RAP1GAP: variants seen among roughly 807,000 people sequenced by gnomAD.
RAP1GAP encodes rap1 GTPase-activating protein 1.
In RAP1GAP, 35 loss-of-function variants were observed where a neutral mutation model predicts 87.2. The ratio of observed to expected loss-of-function variants is 0.40; its 90% CI spans 0.31 to 0.53. RAP1GAP has a LOEUF of 0.53. RAP1GAP is among the 20% of genes least tolerant of loss of function. The pLI, the probability that RAP1GAP is intolerant of heterozygous loss-of-function variation, is 0.48. For missense variants in RAP1GAP, 734 were observed against 898.9 expected (o/e 0.82, Z 2.35); for synonymous variants, 375 against 363.9 (o/e 1.03, Z -0.35).
intron 1 of RAP1GAP, chr1:21,665,261 T>C (rs1279039990): frequency 3.9e-6 from 2 of 517,694 alleles, no homozygotes; most frequent in Admixed American, 3.9e-5. Flanking sequence ...AACTTGGGTC[T>C]GCTTCCTCCG....
rs545597375 is a variant in RAP1GAP at position 21,619,540 on chromosome 1, G to A, written c.19-468C>T. 7.9e-5 allele frequency among the ~76,000 whole-genome samples: 12 copies of A among 152,140 alleles called. No individual in the cohort carries two copies. In the South Asian group the frequency reaches 1.0e-3, roughly 13 times the overall value. On this transcript the variant is annotated intron_variant, in intron 4 of 24. Transcript: ENST00000374765. ...AAGGCACTCCCATCCCAGCACCCCC[G>A]GCCCACCTCCCATGCATACCTATGT... is the stretch of plus-strand genomic sequence containing the variant.
intron 1 of RAP1GAP, among the ~76,000 whole-genome samples, chr1:21,659,897 G>A (rs2097048523): frequency 6.6e-6 from 1 of 152,120 alleles, no homozygotes. Flanking sequence ...GGTCCCAGAG[G>A]CTGAGTGGCT....
At position 21,622,730 on chromosome 1, in the gene RAP1GAP, G is replaced by C. The variant is rs1321259450; in HGVS notation, c.-18-2680C>G. On this transcript the variant is annotated intron_variant, in intron 3 of 24. Transcript: ENST00000374765. This position sits in a 1 kb window ranked among gnomAD's most constrained non-coding sequence, Gnocchi z 5.7. Reference sequence around the variant, plus strand: ...AGCGCTAGAAGCTTTGGGTGCGTCGGGCTCCCCGAGGGGGCCCCCCACTCG... The same window carrying C: ...AGCGCTAGAAGCTTTGGGTGCGTCGCGCTCCCCGAGGGGGCCCCCCACTCG... Among the ~76,000 whole-genome samples, 1 of 151,674 alleles carries C rather than the reference G, an allele frequency of 6.6e-6. No individual in the cohort carries two copies. The highest frequency in any genetic ancestry group is 2.4e-5 in the African/African-American group (1 of 41,370).
intron 2 of RAP1GAP, among the ~76,000 whole-genome samples, chr1:21,636,914 A>AAGGGAGGGAGGGAGGG (rs1217233454): frequency 4.9e-5 from 5 of 102,492 alleles, no homozygotes; most frequent in African/African-American, 1.6e-4. Context: ...GGAAGGAAGG[A>AAGGGAGGGAGGGAGGG]AGGGAGGGAG....
At position 21,603,600 on chromosome 1, in the gene RAP1GAP, A is replaced by T. The variant is rs2071146521; in HGVS notation, c.1429-687T>A. On this transcript the variant is annotated intron_variant, in intron 18 of 24. Transcript: ENST00000374765. This position sits in a 1 kb window ranked among gnomAD's most constrained non-coding sequence, Gnocchi z 6.0. ...CTGGCAGGGACTGGGCCAGGGTCCCAGGGGCCAAGGCAGGGCCAGAAGCCC... is the reference window on the plus strand; with the variant it reads ...CTGGCAGGGACTGGGCCAGGGTCCCTGGGGCCAAGGCAGGGCCAGAAGCCC... The T allele has an allele frequency of 1.5e-6, 1 of 688,208 alleles. No individual in the cohort carries two copies. The highest frequency in any genetic ancestry group is 2.1e-5 in the Admixed American group (1 of 47,982). 42.6% of individuals were successfully genotyped at this position (688,208 alleles called of 1,614,324 possible). A position where few individuals can be genotyped will look rare whatever the true frequency, so the allele number is the denominator to read the frequency against.
At chr1:21,620,937 T>A (rs1401597617) in intron 3 of RAP1GAP, among the ~76,000 whole-genome samples, 1 of 152,114 alleles carries the variant, frequency 6.6e-6, no homozygotes, top group Non-Finnish European at 1.5e-5. Flanking sequence ...AAAGTCCCAC[T>A]GCACCACGTA....
At chr1:21,661,207 G>A (rs537157369) in intron 1 of RAP1GAP, among the ~76,000 whole-genome samples, 8 of 150,186 alleles carry the variant, frequency 5.3e-5, no homozygotes, top group South Asian at 2.1e-4. Flanking sequence ...AGCTGAGATC[G>A]CACCACTGCA....
At chr1:21,608,106 G>T (rs565633899) in intron 17 of RAP1GAP, 107 bp downstream of exon 17, 3 of 1,469,522 alleles carry the variant, frequency 2.0e-6, no homozygotes, top group East Asian at 2.4e-5. Context: ...CGCCCCTTCT[G>T]CCAGACTCCA....
At chr1:21,663,176 G>A (rs1020829911) in intron 1 of RAP1GAP, among the ~76,000 whole-genome samples, 2 of 152,180 alleles carry the variant, frequency 1.3e-5, no homozygotes, top group African/African-American at 2.4e-5. Context: ...TTGTCCCAGC[G>A]GCTCTGCCCA....
chr1:21,660,064 T>C (rs1170988245), intron 1 of RAP1GAP, among the ~76,000 whole-genome samples: 1 of 151,830 alleles, frequency 6.6e-6, no homozygotes, highest in Non-Finnish European at 1.5e-5. Context: ...ATCCTCGGGC[T>C]TGAATGCCTT....
chr1:21,624,367 T>C (rs1206201944), intron 3 of RAP1GAP, among the ~76,000 whole-genome samples: 1 of 152,148 alleles, frequency 6.6e-6, no homozygotes. Context: ...GCAAGGCAGG[T>C]AGAGAAGAAA....
At chr1:21,597,793 A>C in intron 23 of RAP1GAP, 65 bp from the exon 24 acceptor site, 1 of 1,582,872 alleles carries the variant, frequency 6.3e-7, no homozygotes, top group Non-Finnish European at 8.7e-7. Context: ...CGGGAGACAC[A>C]GGTGCACAAA....
chr1:21,615,339 T>C lies in RAP1GAP; in HGVS notation c.292-1250A>G, dbSNP rs1284184705. Among the ~76,000 whole-genome samples, 1 of 152,102 alleles carries C rather than the reference T, an allele frequency of 6.6e-6. No homozygotes were observed. Among genetic ancestry groups the C allele is most frequent in the African/African-American group, 2.4e-5 (1 of 41,412 alleles). On this transcript the variant is annotated intron_variant, in intron 7 of 24. Coordinates refer to ENST00000374765, the MANE Select transcript of RAP1GAP (RefSeq NM_002885.4). The surrounding 1 kb of genome is among the most constrained non-coding windows in gnomAD (Gnocchi z 4.5). ...GAGTCAGGAAGGGGCCCTGCCATTC[T>C]GCCAGCCCTGGGGCTTCTCCCTCAT...
At chr1:21,617,073 T>C (rs919079767) in intron 7 of RAP1GAP, among the ~76,000 whole-genome samples, 5 of 152,248 alleles carry the variant, frequency 3.3e-5, no homozygotes, top group Non-Finnish European at 5.9e-5. Context: ...GTCTCTGCCA[T>C]GAACCACCAT....
intron 20 of RAP1GAP, among the ~76,000 whole-genome samples, chr1:21,600,610 G>C (rs1021765816): frequency 2.6e-5 from 4 of 152,152 alleles, no homozygotes; most frequent in Non-Finnish European, 5.9e-5. Flanking sequence ...TCTTAGGCTG[G>C]GCGCAGTGGC....
At chr1:21,636,845 G>T (rs1257634268) in intron 2 of RAP1GAP, among the ~76,000 whole-genome samples, 2 of 147,848 alleles carry the variant, frequency 1.4e-5, no homozygotes, top group Admixed American at 6.9e-5. Context: ...GGAAGAAGAA[G>T]AAGAAGGAGG....
chr1:21,623,476 C>T (rs1359574245), intron 3 of RAP1GAP, among the ~76,000 whole-genome samples: 3 of 152,254 alleles, frequency 2.0e-5, no homozygotes, highest in Non-Finnish European at 1.5e-5. Context: ...CAAGCAGACA[C>T]AGCTGCTTTG....
intron 1 of RAP1GAP, among the ~76,000 whole-genome samples, chr1:21,662,680 A>G (rs1190998101): frequency 1.3e-5 from 2 of 151,804 alleles, no homozygotes; most frequent in Non-Finnish European, 2.9e-5. Context: ...AATTGCTCCC[A>G]TTACCCAGAG....
intron 20 of RAP1GAP, 42 bp from the exon 21 acceptor site, chr1:21,599,659 C>A (rs2066565034): frequency 2.5e-6 from 4 of 1,580,622 alleles, no homozygotes; most frequent in Non-Finnish European, 3.4e-6. Flanking sequence ...CCACCCCGAG[C>A]CCCTCCTGGG....
Sources: gnomAD v4.1 joint callset for allele counts (sites outside exome capture counted in the v4.1 genomes callset) on GRCh38, gnomAD v4.1.1 for gene constraint, Gnocchi (gnomAD v3.1) non-coding constraint, MANE v1.5 for transcripts, NCBI Gene and HGNC (gene_info 2026-07-23, HGNC 2026-07-21) for gene names.